The following NFIL3 variants were observed in gnomAD, a reference collection of about 807,000 sequenced individuals.
The protein encoded by NFIL3 is nuclear factor, interleukin 3 regulated, also known as nuclear factor interleukin-3-regulated protein.
NFIL3 carries 5 observed loss-of-function variants against 10.0 expected under a neutral mutation model. That is an observed-to-expected ratio of 0.50 (90% CI 0.26 to 1.06). NFIL3 has a LOEUF of 1.06. Ranked by LOEUF, NFIL3 falls within the 50% of genes least tolerant of loss-of-function variation. The pLI is 0.13. For missense variants in NFIL3, 436 were observed against 547.6 expected (o/e 0.80, Z 2.03); for synonymous variants, 202 against 206.5 (o/e 0.98, Z 0.19).
the NFIL3 span, among the ~76,000 whole-genome samples, chr9:91,474,735 C>T: frequency 3.9e-5 from 6 of 152,142 alleles, no homozygotes; most frequent in Non-Finnish European, 5.9e-5. Context: ...ATGAGATAAA[C>T]GACTTGAGCT....
At chr9:91,429,464 C>T in the NFIL3 span, among the ~76,000 whole-genome samples, 1 of 152,292 alleles carries the variant, frequency 6.6e-6, no homozygotes, top group Admixed American at 6.5e-5. Context: ...TCATTCATAA[C>T]CTTCCCTTGG....
At chr9:91,437,532 T>C in the NFIL3 span, among the ~76,000 whole-genome samples, 1 of 152,240 alleles carries the variant, frequency 6.6e-6, no homozygotes, top group African/African-American at 2.4e-5. Context: ...TAAAGTCTAC[T>C]CATTTAGCAG....
chr9:91,458,083 T>TA, the NFIL3 span, among the ~76,000 whole-genome samples: 1 of 152,216 alleles, frequency 6.6e-6, no homozygotes, highest in South Asian at 2.1e-4. Flanking sequence ...TTTACATATA[T>TA]TTTTATGTGG....
intron 1 of NFIL3, among the ~76,000 whole-genome samples, chr9:91,418,071 C>G (rs866736173): frequency 6.6e-5 from 10 of 152,076 alleles, no homozygotes; most frequent in African/African-American, 2.4e-4. Context: ...ACTTAACATT[C>G]TTCTTTAAGA....
In NFIL3 at chr9:91,423,757, G is replaced by A. The variant is rs1806095977; in HGVS notation, c.-290C>T. On this transcript the variant is annotated 5_prime_UTR_variant, in exon 1 of 2. Coordinates refer to ENST00000297689, the MANE Select transcript of NFIL3 (RefSeq NM_005384.3). ...GGGGCCGCGGCGGGAGGCGGGCGGCGGCGAGGGCGCGGCGCGGGAGGCGGG... is the reference window on the plus strand; with the variant it reads ...GGGGCCGCGGCGGGAGGCGGGCGGCAGCGAGGGCGCGGCGCGGGAGGCGGG... 2 of 145,756 alleles carry A rather than the reference G, an allele frequency of 1.4e-5. No individual in the cohort carries two copies. Among genetic ancestry groups the A allele is most frequent in the African/African-American group, 4.9e-5 (2 of 40,660 alleles). The allele number at this position is 145,756 out of a possible 1,614,324, so 9.0% of individuals were successfully genotyped here.
At chr9:91,479,635 C>G in the NFIL3 span, among the ~76,000 whole-genome samples, 1 of 152,158 alleles carries the variant, frequency 6.6e-6, no homozygotes, top group Admixed American at 6.5e-5. Flanking sequence ...GGCTTCAGCC[C>G]CCTTTCCAGG....
chr9:91,425,133 G>T (rs767736092), upstream of NFIL3, among the ~76,000 whole-genome samples: 3 of 152,214 alleles, frequency 2.0e-5, no homozygotes, highest in Non-Finnish European at 4.4e-5. Flanking sequence ...CTCCCTCCTG[G>T]TCTCCTTGAA....
At chr9:91,469,356 C>A in the NFIL3 span, among the ~76,000 whole-genome samples, 1 of 152,274 alleles carries the variant, frequency 6.6e-6, no homozygotes, top group South Asian at 2.1e-4. Context: ...TATAGGAATG[C>A]TTGTGATTTT....
the NFIL3 span, among the ~76,000 whole-genome samples, chr9:91,478,102 T>G: frequency 6.6e-6 from 1 of 152,202 alleles, no homozygotes; most frequent in Non-Finnish European, 1.5e-5. Flanking sequence ...CATTTCAACC[T>G]TGGTGAATCT....
the NFIL3 span, among the ~76,000 whole-genome samples, chr9:91,434,955 A>T: frequency 1.3e-5 from 2 of 152,232 alleles, no homozygotes; most frequent in Admixed American, 6.5e-5. Context: ...GGTCAGCATG[A>T]ACATGCCCAA....
rs185578348 is a variant in NFIL3, at chr9:91,417,505, G to C, written c.-173+6135C>G. ...TGTGGGTAAAATTCACAGTATCTGC[G>C]TCAATGAAATGCTTTACTTCTTTTC... On this transcript the variant is annotated intron_variant, in intron 1 of 1. Coordinates refer to ENST00000297689, the MANE Select transcript of NFIL3 (RefSeq NM_005384.3). Among the ~76,000 whole-genome samples the C allele has an allele frequency of 4.2e-3, 643 of 152,148 alleles. 2 individuals are homozygous for C. The highest frequency in any genetic ancestry group is 6.9e-3 in the Non-Finnish European group (470 of 68,010).
At chr9:91,416,030 T>G (rs2117989454) in intron 1 of NFIL3, among the ~76,000 whole-genome samples, 1 of 152,354 alleles carries the variant, frequency 6.6e-6, no homozygotes, top group South Asian at 2.1e-4. Context: ...GCACTATTTA[T>G]GAATTGAGAA....
the NFIL3 span, among the ~76,000 whole-genome samples, chr9:91,477,305 C>T: frequency 2.0e-5 from 3 of 152,320 alleles, no homozygotes; most frequent in East Asian, 3.9e-4. Context: ...GAGTCCCTCA[C>T]ATAGAACCCC....
the NFIL3 span, among the ~76,000 whole-genome samples, chr9:91,476,297 G>A: frequency 1.3e-5 from 2 of 152,192 alleles, no homozygotes; most frequent in African/African-American, 2.4e-5. Flanking sequence ...GACTGACCGG[G>A]CACAGTGGCT....
intron 1 of NFIL3, among the ~76,000 whole-genome samples, chr9:91,418,372 C>G (rs1282245186): frequency 6.6e-6 from 1 of 152,126 alleles, no homozygotes; most frequent in African/African-American, 2.4e-5. Context: ...ACAAAGTAAC[C>G]CAGTTGTAGA....
the NFIL3 span, among the ~76,000 whole-genome samples, chr9:91,480,035 C>A: frequency 6.6e-6 from 1 of 152,108 alleles, no homozygotes; most frequent in Non-Finnish European, 1.5e-5. Context: ...GTTGGAAATG[C>A]AGAAATCACC....
At chr9:91,412,673 G>A (rs147619146) in intron 1 of NFIL3, among the ~76,000 whole-genome samples, 2,363 of 151,898 alleles carry the variant, frequency 0.016, 58 homozygotes, top group African/African-American at 0.054. Context: ...GTGAAACCCC[G>A]TCTCTACTAA....
At chr9:91,435,809 G>T in the NFIL3 span, among the ~76,000 whole-genome samples, 5 of 152,102 alleles carry the variant, frequency 3.3e-5, no homozygotes, top group Non-Finnish European at 7.4e-5. Context: ...TGCATGCCAG[G>T]TACTATCAGA....
chr9:91,482,218 C>A, the NFIL3 span, among the ~76,000 whole-genome samples: 1 of 151,982 alleles, frequency 6.6e-6, no homozygotes, highest in Admixed American at 6.5e-5. Flanking sequence ...CACTTTTTGG[C>A]CTGGCAAAAA....
Sources: gnomAD v4.1 joint callset for allele counts (sites outside exome capture counted in the v4.1 genomes callset) on GRCh38, gnomAD v4.1.1 for gene constraint, MANE v1.5 for transcripts, NCBI Gene and HGNC (gene_info 2026-07-23, HGNC 2026-07-21) for gene names.